The following MYOC variants were observed in gnomAD, a reference collection of about 807,000 sequenced individuals.
The protein encoded by MYOC is myocilin, also known as juvenile-onset open-angle glaucoma 1.
Under a neutral mutation model 28.2 loss-of-function variants are expected in MYOC, and 29 were observed. The ratio of observed to expected loss-of-function variants is 1.03; its 90% confidence interval spans 0.77 to 1.40. MYOC has a LOEUF of 1.40. Among genes scored for constraint, MYOC ranks in the 40% most tolerant of loss-of-function variants. The pLI is 0.00. For synonymous variants in MYOC, 240 were observed against 245.6 expected (o/e 0.98, Z 0.21); for missense variants, 569 against 620.6 (o/e 0.92, Z 0.88).
At chr1:171,646,479 AT>A (rs969259248) in intron 1 of MYOC, among the ~76,000 whole-genome samples, 3 of 145,852 alleles carry the variant, frequency 2.1e-5, no homozygotes, top group African/African-American at 7.6e-5. Flanking sequence ...TGGGGCTTTT[AT>A]TTTTTAAGGT....
chr1:171,640,288 C>T (rs1653047133), intron 1 of MYOC, among the ~76,000 whole-genome samples: 1 of 151,742 alleles, frequency 6.6e-6, no homozygotes, highest in Admixed American at 6.6e-5. Flanking sequence ...GGTGGTGAGC[C>T]ATACAGAAGG....
chr1:171,647,966 G>T (rs1653242025), intron 1 of MYOC, among the ~76,000 whole-genome samples: 1 of 151,984 alleles, frequency 6.6e-6, no homozygotes. Context: ...GATACTTGAG[G>T]TCAGGAGTTC....
intron 1 of MYOC, 150 bp from the exon 2 acceptor site, chr1:171,638,872 T>TC (rs1386744934): frequency 1.4e-6 from 1 of 739,536 alleles, no homozygotes; most frequent in Non-Finnish European, 2.3e-6. Flanking sequence ...GGCAGGCGGA[T>TC]CACCTGAGGT....
intron 1 of MYOC, among the ~76,000 whole-genome samples, chr1:171,644,745 C>A (rs540453993): frequency 6.6e-6 from 1 of 152,306 alleles, no homozygotes; most frequent in African/African-American, 2.4e-5. Context: ...TAAAGTTGAA[C>A]TATCGCTACT....
At chr1:171,641,306 G>T (rs561431792) in intron 1 of MYOC, among the ~76,000 whole-genome samples, 33 of 152,304 alleles carry the variant, frequency 2.2e-4, no homozygotes, top group African/African-American at 7.9e-4. Context: ...CACCAGGGTT[G>T]CTCCAGAAGA....
At chr1:171,646,669 G>A (rs1252664167) in intron 1 of MYOC, among the ~76,000 whole-genome samples, 2 of 151,716 alleles carry the variant, frequency 1.3e-5, no homozygotes, top group Admixed American at 6.6e-5. Flanking sequence ...GCTAATTTTT[G>A]TATTTTTAGT....
chr1:171,647,473 A>C (rs1190515357), intron 1 of MYOC, among the ~76,000 whole-genome samples: 2 of 152,218 alleles, frequency 1.3e-5, no homozygotes, highest in Non-Finnish European at 2.9e-5. Context: ...GCAGTGAGCC[A>C]AGACCACGCC....
rs1280400300 is a variant in MYOC at position 171,636,429 on chromosome 1, C to A, written c.1011G>T (p.Gln337His). ...AVVYSGSLYF[Q>H]GAESRTVIRY... ...TTATGACAGTTCTGGACTCAGCGCC[C>A]TGGAAATAGAGGCTCCCCGAGTACA... The change falls in exon 3 of 3, where the codon CAG becomes CAT. Residue 337 changes from glutamine (Q) to histidine (H), a missense_variant. By Grantham distance (24) the Gln-to-His change is conservative. Transcript: ENST00000037502. 2.0e-5 allele frequency: 33 copies of A among 1,614,020 alleles called. No individual in the cohort carries two copies. The highest frequency in any genetic ancestry group is 2.7e-5 in the Non-Finnish European group (32 of 1,180,040).
At chr1:171,650,366 A>C (rs1411235586) in intron 1 of MYOC, among the ~76,000 whole-genome samples, 4 of 152,238 alleles carry the variant, frequency 2.6e-5, no homozygotes, top group African/African-American at 4.8e-5. Context: ...ACCACTGACC[A>C]GCTGGGCAAC....
At chr1:171,645,377 G>C (rs563615251) in intron 1 of MYOC, among the ~76,000 whole-genome samples, 1 of 152,190 alleles carries the variant, frequency 6.6e-6, no homozygotes, top group Admixed American at 6.5e-5. Flanking sequence ...ACACGTTGCA[G>C]GTTGCCCTCC....
chr1:171,645,128 A>G (rs1653169942), intron 1 of MYOC, among the ~76,000 whole-genome samples: 1 of 152,160 alleles, frequency 6.6e-6, no homozygotes, highest in Non-Finnish European at 1.5e-5. Flanking sequence ...TCGTGGGAGG[A>G]AAAAGGTCTG....
At chr1:171,648,514 C>A (rs1653257528) in intron 1 of MYOC, among the ~76,000 whole-genome samples, 1 of 152,014 alleles carries the variant, frequency 6.6e-6, no homozygotes, top group African/African-American at 2.4e-5. Context: ...CTCTTCCAGG[C>A]TCTGTTCAAC....
chr1:171,635,686 A>G lies in MYOC; in HGVS notation c.*239T>C. 2 of 570,982 alleles carry G rather than the reference A, an allele frequency of 3.5e-6. No individual in the cohort carries two copies. Among genetic ancestry groups the G allele is most frequent in the Non-Finnish European group, 6.2e-6 (2 of 320,934 alleles). 35.4% of individuals were successfully genotyped at this position (570,982 alleles called of 1,614,324 possible). ...CAAGAAAACTTGAACTATGTCATTA[A>G]ACATCCCATAAATGCTGACAGAAGA... On this transcript the variant is annotated 3_prime_UTR_variant, in exon 3 of 3. Transcript: ENST00000037502.
At position 171,652,249 on chromosome 1, in the gene MYOC, C is replaced by T. The variant is rs767180082; in HGVS notation, c.363G>A (p.Leu121=). The part of the protein sequence containing the change: ...QETQEGLQRE[L]GTLRRERDQL... ...GGTCCCGCTCCCGCCTCAGGGTGCCCAGCTCCCTCTGCAGCCCCTCCTGGG... is the reference window on the plus strand; with the variant it reads ...GGTCCCGCTCCCGCCTCAGGGTGCCTAGCTCCCTCTGCAGCCCCTCCTGGG... Residue 121 remains leucine, a synonymous_variant, in exon 1 of 3, where the codon CTG becomes CTA. Coordinates refer to ENST00000037502, the MANE Select transcript of MYOC (RefSeq NM_000261.2). 1.9e-6 allele frequency: 3 copies of T among 1,614,168 alleles called. No homozygotes were observed. The highest frequency in any genetic ancestry group is 2.5e-6 in the Non-Finnish European group (3 of 1,179,990).
rs773579173 is a variant in MYOC at position 171,635,809 on chromosome 1, C to G, written c.*116G>C. ...GTTCATCCTTCTGGATTAATGAAAA[C>G]TTGGAAAGCAGTCAAAGCTGCCTGG... On this transcript the variant is annotated 3_prime_UTR_variant, in exon 3 of 3. Coordinates refer to ENST00000037502, the MANE Select transcript of MYOC (RefSeq NM_000261.2). 7.6e-6 allele frequency: 8 copies of G among 1,055,570 alleles called. No homozygotes were observed. Among genetic ancestry groups the G allele is most frequent in the Non-Finnish European group, 1.1e-5 (8 of 704,304 alleles). 65.4% of individuals were successfully genotyped at this position (1,055,570 alleles called of 1,614,324 possible).
In MYOC at chr1:171,636,592, T is replaced by C. The variant is rs1354582354; in HGVS notation, c.848A>G (p.Glu283Gly). 1 of 1,612,460 alleles carries C rather than the reference T, an allele frequency of 6.2e-7. No individual in the cohort carries two copies. Among genetic ancestry groups the C allele is most frequent in the Admixed American group, 1.7e-5 (1 of 59,924 alleles). Residue 283 changes from glutamate (E) to glycine (G), a missense_variant, in exon 3 of 3, where the codon GAG (glutamate) becomes GGG (glycine). Physicochemically the swap from Glu to Gly is moderately conservative, Grantham distance 98 (BLOSUM62 -2). Coordinates refer to ENST00000037502, the MANE Select transcript of MYOC (RefSeq NM_000261.2). ...AACTGTGTCGATTCTCCACGTGGTC[T>C]CCTGGGTGTAGGGGTAGGTGGGCTT... The part of the protein sequence containing the change: ...DPKPTYPYTQ[E>G]TTWRIDTVGT...
At chr1:171,651,940 G>T in intron 1 of MYOC, 68 bp downstream of exon 1, 1 of 1,609,974 alleles carries the variant, frequency 6.2e-7, no homozygotes, top group Non-Finnish European at 8.5e-7. Flanking sequence ...GGCCTGGAGC[G>T]CCTGTAGCAG....
chr1:171,636,940 TTG>T (rs1306448506), intron 2 of MYOC, among the ~76,000 whole-genome samples: 1 of 152,178 alleles, frequency 6.6e-6, no homozygotes, highest in Non-Finnish European at 1.5e-5. Context: ...TAATAGTGTT[TTG>T]GGTAGTAGGG....
intron 1 of MYOC, among the ~76,000 whole-genome samples, chr1:171,648,454 A>G (rs1572215684): frequency 1.3e-5 from 2 of 151,800 alleles, no homozygotes; most frequent in African/African-American, 2.4e-5. Context: ...CCCTGTCTCA[A>G]CTTCTCTTCT....
Sources: gnomAD v4.1 joint callset for allele counts (sites outside exome capture counted in the v4.1 genomes callset) on GRCh38, gnomAD v4.1.1 for gene constraint, MANE v1.5 for transcripts, NCBI Gene and HGNC (gene_info 2026-07-23, HGNC 2026-07-21) for gene names.